Variants in FRMD4A observed in about 807,000 individuals in gnomAD.
FRMD4A encodes the protein FERM domain containing 4A.
In FRMD4A, 29 loss-of-function variants were observed where a neutral mutation model predicts 129.1. The observed-to-expected ratio is 0.22, with a 90% CI of 0.17 to 0.31. FRMD4A has a LOEUF of 0.31. FRMD4A is among the 10% of genes least tolerant of loss of function. The probability of loss-of-function intolerance (pLI) is 1.00; values close to 1 mark genes in which losing one functional copy is unlikely to be tolerated. For missense variants in FRMD4A, 1,272 were observed against 1,375.8 expected (o/e 0.92, Z 1.19); for synonymous variants, 634 against 571.6 (o/e 1.11, Z -1.56).
At chr10:14,043,097 A>G (rs1833849448) in intron 2 of FRMD4A, among the ~76,000 whole-genome samples, 1 of 151,832 alleles carries the variant, frequency 6.6e-6, no homozygotes, top group Non-Finnish European at 1.5e-5. Context: ...GAGATGGGAG[A>G]GGAGAGAGAG....
At chr10:14,099,191 C>T (rs1269689234) in intron 2 of FRMD4A, among the ~76,000 whole-genome samples, 1 of 152,228 alleles carries the variant, frequency 6.6e-6, no homozygotes, top group African/African-American at 2.4e-5. Flanking sequence ...TCAGGCCTGA[C>T]ATTTGGCCTA....
chr10:14,185,436 A>G (rs1410534148), intron 2 of FRMD4A, among the ~76,000 whole-genome samples: 1 of 152,244 alleles, frequency 6.6e-6, no homozygotes, highest in South Asian at 2.1e-4. Flanking sequence ...GCTAGTACAG[A>G]TGAGGATGTC....
intron 5 of FRMD4A, among the ~76,000 whole-genome samples, chr10:13,783,676 T>C (rs942802457): frequency 1.3e-5 from 2 of 152,112 alleles, no homozygotes; most frequent in African/African-American, 2.4e-5. Context: ...CCAAGTTGGA[T>C]TTTTAAAAGA....
At position 13,651,927 on chromosome 10, in the gene FRMD4A, G is replaced by C. The variant is rs1317801312; in HGVS notation, c.3098C>G (p.Pro1033Arg). The change falls in exon 24 of 25, where the codon CCT becomes CGT. Residue 1033 changes from proline (P) to arginine (R), a missense_variant. Coordinates refer to ENST00000357447, the MANE Select transcript of FRMD4A (RefSeq NM_018027.5). ...CCTCTATTCATCAGTACTTTGGTGA[G>C]GTGGAGACTCAGACCCATCCAGAAT... is the stretch of plus-strand genomic sequence containing the variant. ...SPILDGSESP[P>R]HQSTDE 4.4e-6 allele frequency: 7 copies of C among 1,589,884 alleles called. No homozygotes were observed. The highest frequency in any genetic ancestry group is 6.0e-6 in the Non-Finnish European group (7 of 1,157,958).
chr10:14,304,027 A>G (rs1331953780), intron 2 of FRMD4A, among the ~76,000 whole-genome samples: 1 of 152,072 alleles, frequency 6.6e-6, no homozygotes, highest in East Asian at 1.9e-4. Context: ...TTTTTCATCC[A>G]TTTATCCGCT....
Position 13,657,299 on chromosome 10 carries a change from T to C in FRMD4A, c.2290A>G (p.Met764Val), listed in dbSNP as rs2082248805. Residue 764 changes from methionine (M) to valine (V), a missense_variant, in exon 22 of 25, where the codon ATG (methionine) becomes GTG (valine). Physicochemically the swap from Met to Val is conservative, Grantham distance 21. Transcript: ENST00000357447. ...GCCAGCGTGGAGTAGTTGGCGTTCATCTGCGCCGGGTAGTAGTGCTCCGAG... is the reference window on the plus strand; with the variant it reads ...GCCAGCGTGGAGTAGTTGGCGTTCACCTGCGCCGGGTAGTAGTGCTCCGAG... ...SSSEHYYPAQ[M>V]NANYSTLAED... 1 of 1,610,430 alleles carries C rather than the reference T, an allele frequency of 6.2e-7. No homozygotes were observed.
intron 2 of FRMD4A, among the ~76,000 whole-genome samples, chr10:13,964,272 C>A (rs2095468752): frequency 6.6e-6 from 1 of 151,926 alleles, no homozygotes; most frequent in Non-Finnish European, 1.5e-5. Context: ...AACACAATCC[C>A]CCTCCCCACT....
intron 2 of FRMD4A, among the ~76,000 whole-genome samples, chr10:13,892,000 C>G (rs1333109256): frequency 3.3e-5 from 5 of 151,432 alleles, no homozygotes; most frequent in Admixed American, 6.6e-5. Context: ...GCCCGCCGCC[C>G]GATCCTGGAC....
At chr10:13,957,246 C>T (rs2095414906) in intron 2 of FRMD4A, among the ~76,000 whole-genome samples, 1 of 152,170 alleles carries the variant, frequency 6.6e-6, no homozygotes, top group Non-Finnish European at 1.5e-5. Flanking sequence ...GTTTCTGCAT[C>T]TAACCCTTCC....
chr10:13,999,649 G>T (rs1231249684), intron 2 of FRMD4A, among the ~76,000 whole-genome samples: 1 of 152,194 alleles, frequency 6.6e-6, no homozygotes, highest in Non-Finnish European at 1.5e-5. Context: ...AGTAATGTAG[G>T]AAAATGATCA....
At chr10:14,194,949 A>C (rs1393560654) in intron 2 of FRMD4A, among the ~76,000 whole-genome samples, 1 of 152,180 alleles carries the variant, frequency 6.6e-6, no homozygotes, top group Non-Finnish European at 1.5e-5. Context: ...ATCATGAACT[A>C]TATCCAGGTC....
intron 9 of FRMD4A, among the ~76,000 whole-genome samples, chr10:13,745,164 T>G (rs1039787944): frequency 6.6e-6 from 1 of 152,124 alleles, no homozygotes; most frequent in African/African-American, 2.4e-5. Flanking sequence ...GATATCAGAG[T>G]ATATATACGT....
intron 2 of FRMD4A, among the ~76,000 whole-genome samples, chr10:14,024,413 A>G (rs1406754696): frequency 6.6e-6 from 1 of 152,156 alleles, no homozygotes. Context: ...TTGGCAGCCA[A>G]AGTCATGATG....
chr10:13,715,018 G>A (rs557771634), intron 12 of FRMD4A, among the ~76,000 whole-genome samples: 64 of 151,272 alleles, frequency 4.2e-4, no homozygotes, highest in Non-Finnish European at 8.0e-4. Context: ...CAGCCTGGGC[G>A]ACAGAGGAAG....
At chr10:13,921,182 C>T (rs1336513878) in intron 2 of FRMD4A, among the ~76,000 whole-genome samples, 9 of 152,174 alleles carry the variant, frequency 5.9e-5, no homozygotes, top group Admixed American at 1.3e-4. Context: ...GAAAAGGGAC[C>T]TCTCTGGGGC....
At chr10:13,763,058 A>C (rs1355303925) in intron 6 of FRMD4A, among the ~76,000 whole-genome samples, 1 of 152,140 alleles carries the variant, frequency 6.6e-6, no homozygotes, top group East Asian at 1.9e-4. Flanking sequence ...GAACATCTTG[A>C]GTCTCTGAGA....
chr10:13,963,963 C>A (rs1166713834), intron 2 of FRMD4A, among the ~76,000 whole-genome samples: 2 of 151,964 alleles, frequency 1.3e-5, no homozygotes, highest in Non-Finnish European at 2.9e-5. Context: ...TTTCTAGAAG[C>A]AGCAGTGATG....
intron 2 of FRMD4A, among the ~76,000 whole-genome samples, chr10:13,977,225 C>T (rs374146649): frequency 1.3e-4 from 20 of 152,208 alleles, no homozygotes; most frequent in Non-Finnish European, 2.2e-4. Context: ...AGTGAGCAGG[C>T]GTCCTCTACT....
chr10:14,260,839 C>T (rs553970996), intron 2 of FRMD4A, among the ~76,000 whole-genome samples: 1 of 152,238 alleles, frequency 6.6e-6, no homozygotes, highest in Non-Finnish European at 1.5e-5. Flanking sequence ...TGGATGCTTC[C>T]CCAAGGACCA....
Sources: allele counts gnomAD v4.1 joint callset (sites outside exome capture counted in the v4.1 genomes callset), GRCh38; gene constraint gnomAD v4.1.1; transcripts MANE v1.5; gene names NCBI Gene and HGNC (gene_info 2026-07-23, HGNC 2026-07-21).